The following COL6A6 variants were observed in gnomAD, a reference collection of about 807,000 sequenced individuals.
COL6A6 encodes collagen type VI alpha 6 chain.
In COL6A6, 183 loss-of-function variants were observed where a neutral mutation model predicts 208.6. The observed-to-expected ratio is 0.88, with a 90% CI of 0.78 to 0.99. The LOEUF (loss-of-function observed/expected upper bound fraction) is 0.99, where lower values mean the gene tolerates loss of function less well. Among genes scored for constraint, COL6A6 ranks in the 50% least tolerant of loss-of-function variants. The probability of loss-of-function intolerance (pLI) is 0.00; values close to 1 mark genes in which losing one functional copy is unlikely to be tolerated. For missense variants in COL6A6, 2,816 were observed against 2,815.2 expected (o/e 1.00, Z -0.01); for synonymous variants, 973 against 1,011.8 (o/e 0.96, Z 0.73).
rs977525278 is a variant in COL6A6, at chr3:130,615,487, T to C, written c.4815+4776T>C. On this transcript the variant is annotated intron_variant, in intron 23 of 36. Transcript: ENST00000358511. ...AAGTACAGGTTCTGAGTATCTTTGT[T>C]AATTTCCTGCCTGCATGATCTGCCT... is the stretch of plus-strand genomic sequence containing the variant. Among the ~76,000 whole-genome samples the C allele has an allele frequency of 5.3e-5, 8 of 152,202 alleles. 1 individual carries two copies. The highest frequency in any genetic ancestry group is 1.9e-4 in the African/African-American group (8 of 41,478).
chr3:130,568,987 C>T (rs1416218153), intron 6 of COL6A6, among the ~76,000 whole-genome samples: 1 of 152,150 alleles, frequency 6.6e-6, no homozygotes, highest in Non-Finnish European at 1.5e-5. Flanking sequence ...ACAAGGAAAT[C>T]ACCTTAGGTG....
intron 1 of COL6A6, among the ~76,000 whole-genome samples, chr3:130,556,319 T>C (rs1483839855): frequency 6.6e-6 from 1 of 152,206 alleles, no homozygotes; most frequent in Non-Finnish European, 1.5e-5. Context: ...CATATTGTCC[T>C]TGTTTGATTT....
rs1330829737 is a variant in COL6A6 at position 130,574,246 on chromosome 3, T to C, written c.3268T>C (p.Phe1090Leu). Residue 1090 changes from phenylalanine (F) to leucine (L), a missense_variant, in exon 8 of 37, where the codon TTC (phenylalanine) becomes CTC (leucine). Transcript: ENST00000358511. ...GAALREVEHY[F>L]RPDMGSRINT... ...TGCACTCAGGGAGGTGGAACATTAC[T>C]TCAGGCCAGACATGGGCAGCAGGAT... The C allele has an allele frequency of 6.2e-7, 1 of 1,613,890 alleles. No individual in the cohort carries two copies. Among genetic ancestry groups the C allele is most frequent in the Admixed American group, 1.7e-5 (1 of 60,012 alleles).
chr3:130,598,483 C>A, intron 19 of COL6A6, 53 bp downstream of exon 19: 1 of 1,235,252 alleles, frequency 8.1e-7, no homozygotes, highest in Non-Finnish European at 1.2e-6. Context: ...GGCTTAAGTT[C>A]TTGTTGGTAG....
Position 130,665,094 on chromosome 3 carries a change from A to C in COL6A6, c.6594A>C (p.Arg2198=). The C allele has an allele frequency of 6.2e-7, 1 of 1,603,762 alleles. No homozygotes were observed. Among genetic ancestry groups the C allele is most frequent in the Non-Finnish European group, 8.5e-7 (1 of 1,173,216 alleles). The change falls in exon 36 of 37, where the codon CGA becomes CGC. Residue 2198 remains arginine (R), a splice_region_variant and synonymous_variant. Transcript: ENST00000358511. ...IDPKQPPRPF[R]SFVPGPLKAT... ...CAAAGCAGCCCCCACGACCATTCCGAAGGTACTGTCTGTTTGGTGTTACTT... is the reference window on the plus strand; with the variant it reads ...CAAAGCAGCCCCCACGACCATTCCGCAGGTACTGTCTGTTTGGTGTTACTT...
At chr3:130,636,287 T>C (rs2065108775) in intron 28 of COL6A6, among the ~76,000 whole-genome samples, 1 of 152,230 alleles carries the variant, frequency 6.6e-6, no homozygotes, top group Admixed American at 6.5e-5. Context: ...TTCTTAGATA[T>C]TGCCTAGTGC....
Position 130,665,064 on chromosome 3 carries a change from A to C in COL6A6, c.6564A>C (p.Ile2188=), listed in dbSNP as rs781338094. The C allele has an allele frequency of 6.2e-7, 1 of 1,610,976 alleles. No individual in the cohort carries two copies. Residue 2188 remains isoleucine, a synonymous_variant, in exon 36 of 37, where the codon ATA becomes ATC. Transcript: ENST00000358511. ...TAAAGTGCAACAGACTTAACTCTATAGATCCAAAGCAGCCCCCACGACCAT... is the reference window on the plus strand; with the variant it reads ...TAAAGTGCAACAGACTTAACTCTATCGATCCAAAGCAGCCCCCACGACCAT... ...LKIKCNRLNS[I]DPKQPPRPFR...
chr3:130,574,534 TTAGCAAGTTCTTCATTC>T lies in COL6A6; in HGVS notation c.3547+10_3547+26del, dbSNP rs770832285. On this transcript the variant is annotated intron_variant, in intron 8 of 36. Coordinates refer to ENST00000358511, the MANE Select transcript of COL6A6 (RefSeq NM_001102608.3). ...CACAGCGGGTGAAAGCAGTAAGTAT[TTAGCAAGTTCTTCATTC>T]GATTCCCTACACCATCTTCTCTGGC... The T allele has an allele frequency of 1.2e-6, 2 of 1,606,642 alleles. No individual in the cohort carries two copies. Among genetic ancestry groups the T allele is most frequent in the South Asian group, 2.2e-5 (2 of 90,844 alleles).
Position 130,594,489 on chromosome 3 carries a change from G to T in COL6A6, c.4533+146G>T, listed in dbSNP as rs956550729. On this transcript the variant is annotated intron_variant, in intron 18 of 36. Coordinates refer to ENST00000358511, the MANE Select transcript of COL6A6 (RefSeq NM_001102608.3). ...TGTAACATTTTAAATTCAGGTACCTGTGCTAGATCCTCTTCATATACTGAA... is the reference window on the plus strand; with the variant it reads ...TGTAACATTTTAAATTCAGGTACCTTTGCTAGATCCTCTTCATATACTGAA... 1.4e-5 allele frequency: 9 copies of T among 634,448 alleles called. No homozygotes were observed. The African/African-American group carries it at 1.7e-4, about 12-fold the overall frequency. 39.3% of individuals were successfully genotyped at this position (634,448 alleles called of 1,614,324 possible). A position where few individuals can be genotyped will look rare whatever the true frequency, so the allele number is the denominator to read the frequency against.
intron 1 of COL6A6, among the ~76,000 whole-genome samples, chr3:130,527,309 T>C (rs1316800507): frequency 1.3e-5 from 2 of 152,228 alleles, no homozygotes; most frequent in African/African-American, 4.8e-5. Context: ...TGACTCACTA[T>C]TGGTGAGTGT....
chr3:130,564,731 A>G (rs1369529674), intron 3 of COL6A6, among the ~76,000 whole-genome samples: 1 of 152,336 alleles, frequency 6.6e-6, no homozygotes, highest in East Asian at 1.9e-4. Context: ...CATGCTAAGA[A>G]TATTGTCGCA....
At chr3:130,669,361 C>G (rs1262702035) in intron 36 of COL6A6, among the ~76,000 whole-genome samples, 1 of 151,962 alleles carries the variant, frequency 6.6e-6, no homozygotes, top group Non-Finnish European at 1.5e-5. Context: ...TGCCACTGCA[C>G]TCCAGCCTGG....
intron 20 of COL6A6, among the ~76,000 whole-genome samples, chr3:130,604,747 A>G (rs1437381024): frequency 2.0e-5 from 3 of 152,198 alleles, no homozygotes; most frequent in African/African-American, 4.8e-5. Flanking sequence ...TCAAACCTTA[A>G]AGACAAAAGG....
At position 130,581,707 on chromosome 3, in the gene COL6A6, G is replaced by A. The variant is rs1381323825; in HGVS notation, c.3694G>A (p.Gly1232Ser). The change falls in exon 9 of 37, where the codon GGC becomes AGC. Residue 1232 changes from glycine (G) to serine (S), a missense_variant. Physicochemically the swap from Gly to Ser is moderately conservative, Grantham distance 56. Coordinates refer to ENST00000358511, the MANE Select transcript of COL6A6 (RefSeq NM_001102608.3). ...CCTCAATGGAGTAAGCTGTGAGGTG[G>A]GCACAGAGACTCAGGTCAGTGTGGC... ...SSLNGVSCEV[G>S]TETQVSVAFQ... 1.2e-6 allele frequency: 2 copies of A among 1,613,922 alleles called. No individual in the cohort carries two copies. The highest frequency in any genetic ancestry group is 3.3e-5 in the Admixed American group (2 of 60,016).
At chr3:130,589,248 T>A in intron 12 of COL6A6, 66 bp downstream of exon 12, 1 of 1,121,386 alleles carries the variant, frequency 8.9e-7, no homozygotes, top group Non-Finnish European at 1.3e-6. Flanking sequence ...TGGGTTTAAG[T>A]AGAAATAAGG....
chr3:130,621,746 T>C, intron 23 of COL6A6, 75 bp from the exon 24 acceptor site: 1 of 1,300,680 alleles, frequency 7.7e-7, no homozygotes, highest in Admixed American at 1.9e-5. Flanking sequence ...TTCACTTTCC[T>C]CTTATAAGAC....
chr3:130,640,176 G>C (rs181995431), intron 28 of COL6A6, among the ~76,000 whole-genome samples: 2 of 152,116 alleles, frequency 1.3e-5, no homozygotes, highest in African/African-American at 4.8e-5. Flanking sequence ...GGAGGTTCCC[G>C]GTGCTGCCAA....
At chr3:130,592,806 T>A in intron 15 of COL6A6, 84 bp downstream of exon 15, 1 of 1,317,370 alleles carries the variant, frequency 7.6e-7, no homozygotes, top group Non-Finnish European at 1.1e-6. Context: ...CAGTAAATTA[T>A]ACAAATAAAG....
intron 19 of COL6A6, 56 bp downstream of exon 19, chr3:130,598,486 G>A (rs2108122792): frequency 3.3e-6 from 4 of 1,222,948 alleles, no homozygotes; most frequent in Non-Finnish European, 3.5e-6. Flanking sequence ...TTAAGTTCTT[G>A]TTGGTAGAAT....
Sources: allele counts gnomAD v4.1 joint callset (sites outside exome capture counted in the v4.1 genomes callset), GRCh38; gene constraint gnomAD v4.1.1; transcripts MANE v1.5; gene names NCBI Gene and HGNC (gene_info 2026-07-23, HGNC 2026-07-21).